Variants in PRKG1 observed in about 807,000 individuals in gnomAD.
The protein encoded by PRKG1 is cGMP-dependent protein kinase 1.
Under a neutral mutation model 88.1 loss-of-function variants are expected in PRKG1, and 35 were observed. The observed-to-expected ratio is 0.40, with a 90% confidence interval of 0.30 to 0.53. The LOEUF is 0.53. Among genes scored for constraint, PRKG1 ranks in the 20% least tolerant of loss-of-function variants. The pLI is 0.59. For missense variants in PRKG1, 540 were observed against 839.8 expected, an observed-to-expected ratio of 0.64 and a Z score of 4.41; for synonymous variants, 303 against 292.5, an observed-to-expected ratio of 1.04 and a Z score of -0.37.
At chr10:51,858,898 G>T (rs1209941012) in intron 4 of PRKG1, among the ~76,000 whole-genome samples, 2 of 152,060 alleles carry the variant, frequency 1.3e-5, no homozygotes, top group South Asian at 4.1e-4. Context: ...TAGGCAAACA[G>T]TTTTTCTCCT....
At chr10:51,281,210 C>T (rs560054861) in intron 2 of PRKG1, among the ~76,000 whole-genome samples, 9 of 152,282 alleles carry the variant, frequency 5.9e-5, no homozygotes, top group Admixed American at 2.0e-4. Context: ...GCTGCCTGAT[C>T]GTTCCTCTGG....
chr10:52,230,938 G>A (rs988695454), intron 9 of PRKG1: 1 of 152,164 alleles, frequency 6.6e-6, no homozygotes, highest in African/African-American at 2.4e-5. Context: ...TTGGTTGGAA[G>A]AAAACAACTA....
chr10:51,914,494 G>A (rs74135037), intron 5 of PRKG1, among the ~76,000 whole-genome samples: 3,019 of 152,266 alleles, frequency 0.02, 95 homozygotes, highest in African/African-American at 0.067. Flanking sequence ...CCTGGTGTGA[G>A]TACCATTCCT....
intron 5 of PRKG1, among the ~76,000 whole-genome samples, chr10:51,967,246 T>G (rs1843592195): frequency 6.6e-6 from 1 of 152,024 alleles, no homozygotes. Flanking sequence ...AAAGGATGAG[T>G]TCATGTCCTT....
intron 7 of PRKG1, chr10:52,128,432 G>T (rs2132624925): frequency 3.0e-6 from 3 of 985,414 alleles, no homozygotes; most frequent in South Asian, 9.4e-5. Context: ...TTTAGAACCA[G>T]AAGAGCCGAT....
At chr10:52,232,917 C>T (rs1840559942) in intron 9 of PRKG1, among the ~76,000 whole-genome samples, 2 of 152,146 alleles carry the variant, frequency 1.3e-5, no homozygotes, top group African/African-American at 4.8e-5. Flanking sequence ...CTGTTTATAA[C>T]TGCAAAGTTA....
At chr10:51,200,401 G>A (rs1042236099) in intron 2 of PRKG1, among the ~76,000 whole-genome samples, 1 of 152,156 alleles carries the variant, frequency 6.6e-6, no homozygotes, top group South Asian at 2.1e-4. Context: ...TAGACAGGAG[G>A]CAGATTATGA....
intron 4 of PRKG1, among the ~76,000 whole-genome samples, chr10:51,840,192 G>A (rs938395673): frequency 6.6e-6 from 1 of 152,128 alleles, no homozygotes; most frequent in Non-Finnish European, 1.5e-5. Flanking sequence ...TGAGAAGCCT[G>A]CACACTGCAA....
At chr10:51,682,475 A>C (rs547435253) in intron 3 of PRKG1, among the ~76,000 whole-genome samples, 1 of 152,204 alleles carries the variant, frequency 6.6e-6, no homozygotes, top group South Asian at 2.1e-4. Context: ...TCCATCTTCT[A>C]ACCCTCTCTT....
intron 3 of PRKG1, among the ~76,000 whole-genome samples, chr10:51,591,371 A>G (rs1838309204): frequency 6.6e-6 from 1 of 152,258 alleles, no homozygotes; most frequent in Admixed American, 6.5e-5. Flanking sequence ...AAATGTATCA[A>G]GGAATTTAAG....
chr10:52,006,548 C>T (rs1318931938), intron 5 of PRKG1, among the ~76,000 whole-genome samples: 1 of 152,000 alleles, frequency 6.6e-6, no homozygotes, highest in Admixed American at 6.6e-5. Context: ...AAGACTGGCC[C>T]TCTGAAATTA....
chr10:51,560,399 C>A (rs544841580), intron 3 of PRKG1, among the ~76,000 whole-genome samples: 2 of 152,208 alleles, frequency 1.3e-5, no homozygotes, highest in Non-Finnish European at 2.9e-5. Context: ...CATATTACTT[C>A]TTTTAAAAAT....
At chr10:51,077,166 G>A (rs562122467) in intron 1 of PRKG1, among the ~76,000 whole-genome samples, 3 of 152,284 alleles carry the variant, frequency 2.0e-5, no homozygotes, top group Non-Finnish European at 4.4e-5. Context: ...TCCACAAAGA[G>A]TTAAGAAAAC....
At chr10:52,248,639 G>A (rs1419608013) in intron 9 of PRKG1, among the ~76,000 whole-genome samples, 7 of 151,974 alleles carry the variant, frequency 4.6e-5, no homozygotes, top group Admixed American at 6.6e-5. Flanking sequence ...AACTATAATT[G>A]GTACTTCCCG....
intron 5 of PRKG1, among the ~76,000 whole-genome samples, chr10:51,935,092 C>T (rs1439785417): frequency 6.6e-6 from 1 of 152,044 alleles, no homozygotes; most frequent in Non-Finnish European, 1.5e-5. Context: ...CTCTTCCTGC[C>T]CATGGGGTAG....
At chr10:51,209,278 C>T (rs1838150622) in intron 2 of PRKG1, among the ~76,000 whole-genome samples, 1 of 152,096 alleles carries the variant, frequency 6.6e-6, no homozygotes, top group Non-Finnish European at 1.5e-5. Flanking sequence ...TATTCATTGA[C>T]CTCATACCGA....
chr10:51,063,636 G>A (rs983574129), intron 1 of PRKG1, among the ~76,000 whole-genome samples: 1 of 152,140 alleles, frequency 6.6e-6, no homozygotes, highest in Non-Finnish European at 1.5e-5. Context: ...ACGTTAATAA[G>A]AGTCATTTTC....
intron 2 of PRKG1, among the ~76,000 whole-genome samples, chr10:51,272,348 G>A (rs1352769195): frequency 6.6e-6 from 1 of 150,430 alleles, no homozygotes; most frequent in Non-Finnish European, 1.5e-5. Context: ...CACACACTGG[G>A]CTTATCGTGG....
Position 51,749,007 on chromosome 10 carries a change from A to G in PRKG1, c.593-55578A>G, listed in dbSNP as rs569934059. Among the ~76,000 whole-genome samples the G allele has an allele frequency of 1.0e-3, 158 of 152,352 alleles. 1 individual carries two copies. The highest frequency in any genetic ancestry group is 3.4e-3 in the African/African-American group (140 of 41,584). ...TCTACATTTTACTGTTGCTTAATCT[A>G]TATAGATAGTGACTGTGGCTATTTC... On this transcript the variant is annotated intron_variant, in intron 3 of 17. Coordinates refer to ENST00000373980, the MANE Select transcript of PRKG1 (RefSeq NM_006258.4).
Sources: allele counts gnomAD v4.1 joint callset (sites outside exome capture counted in the v4.1 genomes callset), GRCh38; gene constraint gnomAD v4.1.1; transcripts MANE v1.5; gene names NCBI Gene and HGNC (gene_info 2026-07-23, HGNC 2026-07-21).